Variants in ARHGAP21 observed in about 807,000 individuals in gnomAD.
ARHGAP21 encodes the protein rho GTPase-activating protein 21.
In ARHGAP21, 38 loss-of-function variants were observed where a neutral mutation model predicts 164.6. The observed-to-expected ratio is 0.23, with a 90% CI of 0.18 to 0.30. ARHGAP21 has a LOEUF of 0.30. Ranked by LOEUF, ARHGAP21 falls within the 10% of genes least tolerant of loss-of-function variation. The probability of loss-of-function intolerance (pLI) is 1.00; values close to 1 mark genes in which losing one functional copy is unlikely to be tolerated. For missense variants in ARHGAP21, 1,822 were observed against 2,370.7 expected, an observed-to-expected ratio of 0.77 and a Z score of 4.81; for synonymous variants, 766 against 857.9, an observed-to-expected ratio of 0.89 and a Z score of 1.87.
intron 24 of ARHGAP21, chr10:24,590,108 G>A: frequency 8.9e-7 from 1 of 1,120,816 alleles, no homozygotes; most frequent in South Asian, 2.9e-5. Flanking sequence ...TCAACATTAG[G>A]GAAATTGGTT....
In ARHGAP21 at chr10:24,585,038, T is replaced by C; in HGVS notation, c.5251A>G (p.Arg1751Gly). ...GGTTCCTGTTTTTCGGATTCGCCTC[T>C]GGTGGGTGTCAGTAAACTCCCAGTT... ...KSTGSLLTPT[R>G]GESEKQEPTW... Residue 1751 changes from arginine to glycine, a missense_variant, in exon 26 of 26, where the codon AGA (arginine) becomes GGA (glycine). This residue lies in a region of ARHGAP21 where 117 missense variants were observed against 193.2 expected (regional missense o/e 0.61). Coordinates refer to ENST00000396432, the MANE Select transcript of ARHGAP21 (RefSeq NM_020824.4). The C allele has an allele frequency of 6.2e-7, 1 of 1,613,986 alleles. No homozygotes were observed. Among genetic ancestry groups the C allele is most frequent in the Admixed American group, 1.7e-5 (1 of 60,020 alleles).
intron 2 of ARHGAP21, among the ~76,000 whole-genome samples, chr10:24,675,676 G>A (rs1215488624): frequency 1.3e-5 from 2 of 152,162 alleles, no homozygotes; most frequent in Admixed American, 1.3e-4. Flanking sequence ...GTGTGTGAAT[G>A]AGGAAACATG....
chr10:24,638,471 T>C (rs759789431), intron 4 of ARHGAP21, among the ~76,000 whole-genome samples: 1 of 152,228 alleles, frequency 6.6e-6, no homozygotes. Context: ...CTCAGGTCTT[T>C]AGCTTTTGTA....
intron 4 of ARHGAP21, among the ~76,000 whole-genome samples, chr10:24,659,143 T>C (rs10764484): frequency 0.49 from 74,558 of 152,014 alleles, 18,554 homozygotes; most frequent in Middle Eastern, 0.55. Context: ...CCTCAAAATA[T>C]GAAACATAGG....
At chr10:24,678,508 T>C (rs950639405) in intron 2 of ARHGAP21, among the ~76,000 whole-genome samples, 29 of 150,734 alleles carry the variant, frequency 1.9e-4, no homozygotes, top group Non-Finnish European at 3.2e-4. Flanking sequence ...GTTGTTGTTG[T>C]TTTGTTTATT....
chr10:24,689,934 GTATATATGTA>G (rs1565169349), intron 2 of ARHGAP21, among the ~76,000 whole-genome samples: 4 of 134,424 alleles, frequency 3.0e-5, no homozygotes, highest in East Asian at 2.2e-4. Context: ...GTATGTATAT[GTATATATGTA>G]TATGTGTGTG....
chr10:24,718,982 G>C (rs961723066), intron 2 of ARHGAP21, among the ~76,000 whole-genome samples: 1 of 152,008 alleles, frequency 6.6e-6, no homozygotes, highest in African/African-American at 2.4e-5. Flanking sequence ...GAAAGATGAA[G>C]CTATATGGAT....
intron 7 of ARHGAP21, among the ~76,000 whole-genome samples, chr10:24,623,430 G>T (rs367621931): frequency 1.3e-5 from 2 of 152,246 alleles, no homozygotes; most frequent in African/African-American, 4.8e-5. Context: ...ATAGAACAGA[G>T]ACTAGAATGC....
At chr10:24,596,192 G>A in intron 17 of ARHGAP21, 149 bp from the exon 18 acceptor site, 1 of 632,594 alleles carries the variant, frequency 1.6e-6, no homozygotes, top group Non-Finnish European at 2.5e-6. Flanking sequence ...TCTGGGAATA[G>A]ATAAAACCTG....
chr10:24,629,965 AAC>A (rs1335017706), intron 7 of ARHGAP21, 29 bp downstream of exon 7: 1 of 1,452,448 alleles, frequency 6.9e-7, no homozygotes, highest in East Asian at 2.3e-5. Flanking sequence ...ATGACTGTAA[AAC>A]AACTCATATA....
In ARHGAP21 at chr10:24,644,260, T is replaced by C. The variant is rs565722321; in HGVS notation, c.269-9157A>G. Among the ~76,000 whole-genome samples, 7 of 152,288 alleles carry C rather than the reference T, an allele frequency of 4.6e-5. No individual in the cohort carries two copies. In the East Asian group the frequency reaches 1.2e-3, roughly 25 times the overall value. On this transcript the variant is annotated intron_variant, in intron 4 of 25. Coordinates refer to ENST00000396432, the MANE Select transcript of ARHGAP21 (RefSeq NM_020824.4). The stretch of plus-strand genomic sequence containing the variant: ...TCCCTAGTCTTCTCTCCAAATCTCA[T>C]GGATATATAAATGCTTCCCAAACAA...
intron 9 of ARHGAP21, among the ~76,000 whole-genome samples, chr10:24,618,445 G>C (rs975191570): frequency 6.6e-6 from 1 of 152,124 alleles, no homozygotes; most frequent in African/African-American, 2.4e-5. Context: ...AAAGCTTAAG[G>C]GAAGAGAATG....
chr10:24,653,721 A>C (rs1441326512), intron 4 of ARHGAP21, among the ~76,000 whole-genome samples: 3 of 152,282 alleles, frequency 2.0e-5, no homozygotes, highest in Non-Finnish European at 4.4e-5. Flanking sequence ...ATGCCAACTC[A>C]CAGACCTGTT....
intron 4 of ARHGAP21, among the ~76,000 whole-genome samples, chr10:24,664,722 C>T (rs1269155484): frequency 2.4e-5 from 1 of 42,122 alleles, no homozygotes; most frequent in African/African-American, 1.9e-4. Flanking sequence ...GGCCATAAAC[C>T]CTTGAGTGAA....
In ARHGAP21 at chr10:24,601,450, T is replaced by C. The variant is rs565614348; in HGVS notation, c.2848-520A>G. On this transcript the variant is annotated intron_variant, in intron 13 of 25. Transcript: ENST00000396432. ...TCTTCTGACAGCATTAAAATGTTCT[T>C]ATATATAAGCTGTCCAAATATTATA... 3.3e-5 allele frequency among the ~76,000 whole-genome samples: 5 copies of C among 152,330 alleles called. No individual in the cohort carries two copies. In the East Asian group the frequency reaches 9.6e-4, roughly 29 times the overall value.
chr10:24,591,695 A>G lies in ARHGAP21; in HGVS notation c.4003-12T>C. ...AAAAACCAGTCATGCTAAAATTTAA[A>G]AAAGGTGAGAAGAGAAATTAAACAA... On this transcript the variant is annotated splice_polypyrimidine_tract_variant and intron_variant, in intron 22 of 25. Transcript: ENST00000396432. The G allele has an allele frequency of 6.2e-7, 1 of 1,613,922 alleles. No individual in the cohort carries two copies. Among genetic ancestry groups the G allele is most frequent in the Non-Finnish European group, 8.5e-7 (1 of 1,179,792 alleles).
intron 1 of ARHGAP21, chr10:24,723,089 G>T (rs1445891492): frequency 6.6e-6 from 1 of 151,832 alleles, no homozygotes; most frequent in Non-Finnish European, 1.5e-5. Flanking sequence ...CCCGAGGAGA[G>T]CGGCCCCAAT....
chr10:24,592,768 C>A (rs2076394111), intron 21 of ARHGAP21, among the ~76,000 whole-genome samples: 1 of 151,712 alleles, frequency 6.6e-6, no homozygotes, highest in Admixed American at 6.6e-5. Context: ...AAAAAACTCC[C>A]TCCCCTTCAG....
At chr10:24,683,792 A>T (rs1841990157) in intron 2 of ARHGAP21, among the ~76,000 whole-genome samples, 1 of 152,216 alleles carries the variant, frequency 6.6e-6, no homozygotes, top group African/African-American at 2.4e-5. Flanking sequence ...TTGGACATGC[A>T]CACATCTCAC....
Sources: allele counts gnomAD v4.1 joint callset (sites outside exome capture counted in the v4.1 genomes callset), GRCh38; gene constraint gnomAD v4.1.1; regional missense constraint gnomAD v4.1.1; transcripts MANE v1.5; gene names NCBI Gene and HGNC (gene_info 2026-07-23, HGNC 2026-07-21).